The following WWP1 variants were observed in gnomAD, a reference collection of about 807,000 sequenced individuals.
WWP1 encodes WW domain containing E3 ubiquitin protein ligase 1, also known as NEDD4-like E3 ubiquitin-protein ligase WWP1.
WWP1 carries 49 observed loss-of-function variants against 130.6 expected under a neutral mutation model. The ratio of observed to expected loss-of-function variants is 0.38; its 90% CI spans 0.30 to 0.48. WWP1 has a LOEUF of 0.48. Ranked by LOEUF, WWP1 falls within the 20% of genes least tolerant of loss-of-function variation. The pLI, the probability that WWP1 is intolerant of heterozygous loss-of-function variation, is 0.99. For missense variants in WWP1, 809 were observed against 1,100.6 expected (o/e 0.74, Z 3.75); for synonymous variants, 332 against 367.8 (o/e 0.90, Z 1.11).
At chr8:86,392,821 A>G (rs968209111) in intron 5 of WWP1, among the ~76,000 whole-genome samples, 9 of 152,240 alleles carry the variant, frequency 5.9e-5, no homozygotes, top group East Asian at 1.9e-4. Context: ...TTCACATTCA[A>G]TGATGTAAGT....
At chr8:86,414,469 A>G (rs1808767032) in intron 9 of WWP1, among the ~76,000 whole-genome samples, 1 of 152,174 alleles carries the variant, frequency 6.6e-6, no homozygotes, top group South Asian at 2.1e-4. Flanking sequence ...TAGAATAGAA[A>G]AAGAGTGGAA....
chr8:86,369,438 T>C (rs577216418), intron 2 of WWP1, among the ~76,000 whole-genome samples: 3 of 152,262 alleles, frequency 2.0e-5, no homozygotes, highest in African/African-American at 7.2e-5. Context: ...TGCTCTTGAG[T>C]CTGGGGATTG....
rs144523216 is a variant in WWP1, at chr8:86,355,511, A to G, written c.-115+12581A>G. 2.4e-4 allele frequency among the ~76,000 whole-genome samples: 36 copies of G among 152,358 alleles called. No individual in the cohort carries two copies. In the East Asian group the frequency reaches 6.2e-3, roughly 26 times the overall value. On this transcript the variant is annotated intron_variant, in intron 1 of 24. Coordinates refer to ENST00000517970, the MANE Select transcript of WWP1 (RefSeq NM_007013.4). ...ATACTATTAAAATATCAGTTTGAAT[A>G]AAGTGACCAATTACTTATGGAAATG... is the stretch of plus-strand genomic sequence containing the variant.
chr8:86,350,616 A>G (rs1822863669), intron 1 of WWP1, among the ~76,000 whole-genome samples: 1 of 152,242 alleles, frequency 6.6e-6, no homozygotes, highest in African/African-American at 2.4e-5. Flanking sequence ...ATAGAGTTAC[A>G]TGAAGGTGCT....
chr8:86,460,689 C>T (rs561255140), intron 22 of WWP1, among the ~76,000 whole-genome samples: 2 of 151,398 alleles, frequency 1.3e-5, no homozygotes, highest in East Asian at 2.0e-4. Flanking sequence ...TGGCCAGCCT[C>T]CGTGTTCTCA....
At chr8:86,447,275 T>A (rs1810934945) in intron 18 of WWP1, among the ~76,000 whole-genome samples, 1 of 152,132 alleles carries the variant, frequency 6.6e-6, no homozygotes, top group Non-Finnish European at 1.5e-5. Flanking sequence ...GTTATTTTAT[T>A]TTATTTTTTG....
Position 86,381,564 on chromosome 8 carries a change from C to T in WWP1, c.269C>T (p.Ala90Val), listed in dbSNP as rs777212287. 6 of 1,610,858 alleles carry T rather than the reference C, an allele frequency of 3.7e-6. No homozygotes were observed. The East Asian group carries it at 1.3e-4, about 36-fold the overall frequency. ...FQVWSHRTLK[A>V]DALLGKATID... is the part of the protein sequence containing the mutation. ...GTTTGGAGCCATCGCACTTTAAAAG[C>T]AGATGCTTTATTAGGAAAAGCAACG... Residue 90 changes from alanine to valine, a missense_variant, in exon 5 of 25, where the codon GCA becomes GTA. Transcript: ENST00000517970.
intron 8 of WWP1, among the ~76,000 whole-genome samples, chr8:86,408,145 T>C (rs1210229751): frequency 6.6e-6 from 1 of 152,192 alleles, no homozygotes; most frequent in Non-Finnish European, 1.5e-5. Flanking sequence ...AGTCCTACAG[T>C]GTGGGTAGCC....
chr8:86,354,781 G>GA (rs35534410), intron 1 of WWP1, among the ~76,000 whole-genome samples: 1,608 of 152,236 alleles, frequency 0.011, 13 homozygotes, highest in Non-Finnish European at 0.015. Context: ...AAGTATGGAA[G>GA]AAAAATATTG....
At chr8:86,370,461 C>T (rs1824221718) in intron 2 of WWP1, among the ~76,000 whole-genome samples, 1 of 152,148 alleles carries the variant, frequency 6.6e-6, no homozygotes, top group Non-Finnish European at 1.5e-5. Flanking sequence ...ATAGAGTACT[C>T]CTTGGAAGAC....
rs149685038 is a variant in WWP1, at chr8:86,402,152, A to G, written c.673A>G (p.Lys225Glu). The change falls in exon 8 of 25, where the codon AAA (lysine) becomes GAA (glutamate). Residue 225 changes from lysine (K) to glutamate (E), a missense_variant. Around this residue, in one of 3 missense-constraint regions of WWP1, gnomAD observed 262 missense variants for 346.0 expected, o/e 0.76. Transcript: ENST00000517970. ...SSPSQVAARPKNTPAPKPLAS... is the reference protein window; with the variant it reads ...SSPSQVAARPENTPAPKPLAS... The stretch of plus-strand genomic sequence containing the variant: ...TCCGTCTCAGGTTGCTGCCAGACCC[A>G]AAAATACACCAGCTCCAAAACCACT... 2.7e-5 allele frequency: 44 copies of G among 1,614,038 alleles called. No individual in the cohort carries two copies. The African/African-American group carries it at 5.2e-4, about 19-fold the overall frequency.
intron 5 of WWP1, among the ~76,000 whole-genome samples, chr8:86,383,182 A>C (rs1236234662): frequency 1.3e-5 from 2 of 150,372 alleles, no homozygotes; most frequent in Non-Finnish European, 3.0e-5. Flanking sequence ...ATGCCATGGC[A>C]TTTTTTTTTT....
chr8:86,432,629 C>T (rs1458935480), intron 14 of WWP1, among the ~76,000 whole-genome samples: 13 of 148,698 alleles, frequency 8.7e-5, no homozygotes, highest in East Asian at 2.0e-4. Flanking sequence ...TTTTTTGAGA[C>T]GGACTTTCGC....
chr8:86,370,326 T>G (rs979256707), intron 2 of WWP1, among the ~76,000 whole-genome samples: 7 of 152,210 alleles, frequency 4.6e-5, no homozygotes, highest in African/African-American at 1.2e-4. Context: ...AAATTCAAAT[T>G]TATAACCAGA....
chr8:86,457,081 T>A (rs2130770959), intron 21 of WWP1, among the ~76,000 whole-genome samples: 1 of 152,030 alleles, frequency 6.6e-6, no homozygotes, highest in South Asian at 2.1e-4. Context: ...ATACATCTGT[T>A]GAAAATCTTC....
intron 16 of WWP1, among the ~76,000 whole-genome samples, chr8:86,436,817 A>G (rs1035902443): frequency 1.3e-5 from 2 of 152,204 alleles, no homozygotes; most frequent in South Asian, 2.1e-4. Flanking sequence ...GTACTCAGGC[A>G]TACAGGGACT....
intron 9 of WWP1, among the ~76,000 whole-genome samples, chr8:86,423,047 A>C (rs1467440858): frequency 6.7e-6 from 1 of 149,230 alleles, no homozygotes; most frequent in Non-Finnish European, 1.5e-5. Flanking sequence ...TTTAATATTA[A>C]GTTGAAGGTT....
chr8:86,381,425 T>A, intron 4 of WWP1, 80 bp from the exon 5 acceptor site: 1 of 1,476,638 alleles, frequency 6.8e-7, no homozygotes, highest in South Asian at 1.4e-5. Context: ...CTGAAATAAA[T>A]GCTTTAATAG....
chr8:86,425,257 T>G lies in WWP1; in HGVS notation c.1096T>G (p.Tyr366Asp). The G allele has an allele frequency of 6.2e-7, 1 of 1,613,236 alleles. No homozygotes were observed. Among genetic ancestry groups the G allele is most frequent in the Non-Finnish European group, 8.5e-7 (1 of 1,179,628 alleles). Residue 366 changes from tyrosine to aspartate, a missense_variant, in exon 10 of 25, where the codon TAT becomes GAT. Physicochemically the swap from Tyr to Asp is radical, Grantham distance 160. Around this residue, in one of 3 missense-constraint regions of WWP1, gnomAD observed 97 missense variants for 80.4 expected, o/e 1.21. Coordinates refer to ENST00000517970, the MANE Select transcript of WWP1 (RefSeq NM_007013.4). ...AAGAAAAGATCCTCATGGTAGAACCTATTATGTGGATCATAATACTCGAAC... is the reference window on the plus strand; with the variant it reads ...AAGAAAAGATCCTCATGGTAGAACCGATTATGTGGATCATAATACTCGAAC... The part of the protein sequence containing the change: ...EQRKDPHGRT[Y>D]YVDHNTRTTT...
Sources: gnomAD v4.1 joint callset for allele counts (sites outside exome capture counted in the v4.1 genomes callset) on GRCh38, gnomAD v4.1.1 for gene constraint, gnomAD v4.1.1 regional missense constraint, MANE v1.5 for transcripts, NCBI Gene and HGNC (gene_info 2026-07-23, HGNC 2026-07-21) for gene names.